The following NRP2 variants were observed in gnomAD, a reference collection of about 807,000 sequenced individuals.
NRP2 encodes neuropilin 2, also known as neuropilin-2.
NRP2 carries 52 observed loss-of-function variants against 110.4 expected under a neutral mutation model. The ratio of observed to expected loss-of-function variants is 0.47; its 90% CI spans 0.38 to 0.59. The LOEUF is 0.59. Among genes scored for constraint, NRP2 ranks in the 20% least tolerant of loss-of-function variants. The pLI is 0.00. For missense variants in NRP2, 1,049 were observed against 1,203.0 expected, an observed-to-expected ratio of 0.87 and a Z score of 1.89; for synonymous variants, 508 against 468.9, an observed-to-expected ratio of 1.08 and a Z score of -1.08.
At chr2:205,784,940 G>A (rs1448044378) in intron 15 of NRP2, among the ~76,000 whole-genome samples, 1 of 152,152 alleles carries the variant, frequency 6.6e-6, no homozygotes, top group Admixed American at 6.5e-5. Context: ...AGTAATTACG[G>A]TCCTTGGCCA....
intron 1 of NRP2, 66 bp from the exon 2 acceptor site, chr2:205,697,478 G>A: frequency 2.2e-6 from 3 of 1,381,694 alleles, no homozygotes; most frequent in Non-Finnish European, 2.1e-6. Flanking sequence ...AAGAGAAGGA[G>A]GGAGTGTGGG....
chr2:205,793,949 C>G (rs1015005174), intron 16 of NRP2, among the ~76,000 whole-genome samples: 6 of 152,046 alleles, frequency 3.9e-5, no homozygotes, highest in Non-Finnish European at 7.4e-5. Flanking sequence ...GGAAACTCAT[C>G]ATGTGCAAAT....
chr2:205,715,309 A>C (rs2056872709), intron 2 of NRP2, among the ~76,000 whole-genome samples: 1 of 152,102 alleles, frequency 6.6e-6, no homozygotes, highest in South Asian at 2.1e-4. Context: ...GGTATCTTTG[A>C]GGTGCCTGCT....
chr2:205,741,174 C>T (rs2057434794), intron 8 of NRP2, among the ~76,000 whole-genome samples: 1 of 152,170 alleles, frequency 6.6e-6, no homozygotes, highest in South Asian at 2.1e-4. Context: ...GGCATATGGA[C>T]AAGTTGGGCA....
intron 13 of NRP2, 112 bp from the exon 14 acceptor site, chr2:205,765,362 A>T: frequency 1.2e-6 from 1 of 855,348 alleles, no homozygotes; most frequent in Non-Finnish European, 2.0e-6. Context: ...ACACACACAC[A>T]CACACATACA....
At position 205,796,045 on chromosome 2, in the gene NRP2, A is replaced by T. The variant is rs1369239696; in HGVS notation, c.*987A>T. On this transcript the variant is annotated 3_prime_UTR_variant, in exon 17 of 17. Coordinates refer to ENST00000357785, the MANE Select transcript of NRP2 (RefSeq NM_003872.3). ...TGTGATATTCTCAGAGGCAGGGGAA[A>T]ATAGAGGGAAAAATAGAGACTATTG... The T allele has an allele frequency of 6.6e-6, 1 of 152,216 alleles. No individual in the cohort carries two copies. The highest frequency in any genetic ancestry group is 1.5e-5 in the Non-Finnish European group (1 of 68,042). The allele number at this position is 152,216 out of a possible 1,614,324, so 9.4% of individuals were successfully genotyped here.
chr2:205,707,156 T>C (rs1290235995), intron 2 of NRP2, among the ~76,000 whole-genome samples: 1 of 152,246 alleles, frequency 6.6e-6, no homozygotes, highest in African/African-American at 2.4e-5. Flanking sequence ...CAACCTGTTC[T>C]CTCAGAATGG....
rs1279561539 is a variant in NRP2 at position 205,723,788 on chromosome 2, G to C, written c.668G>C (p.Gly223Ala). The C allele has an allele frequency of 1.2e-6, 2 of 1,614,066 alleles. No homozygotes were observed. Among genetic ancestry groups the C allele is most frequent in the South Asian group, 2.2e-5 (2 of 91,056 alleles). Residue 223 changes from glycine to alanine, a missense_variant, in exon 5 of 17, where the codon GGC becomes GCC. Gly to Ala is a moderately conservative substitution (Grantham distance 60). Transcript: ENST00000357785. ...TCTCTTTGTCTTGAATGTCCAGTTGGCCCCCTGATTGGCAAGTACTGTGGG... is the reference window on the plus strand; with the variant it reads ...TCTCTTTGTCTTGAATGTCCAGTTGCCCCCCTGATTGGCAAGTACTGTGGG... Reference protein sequence around the residue: ...LDIWDGIPHVGPLIGKYCGTK... With the variant: ...LDIWDGIPHVAPLIGKYCGTK...
At chr2:205,742,162 C>T (rs1038435291) in intron 8 of NRP2, among the ~76,000 whole-genome samples, 5 of 152,160 alleles carry the variant, frequency 3.3e-5, no homozygotes, top group South Asian at 2.1e-4. Context: ...AGGGGAACAA[C>T]GTGGAGGATC....
intron 9 of NRP2, 34 bp from the exon 10 acceptor site, chr2:205,745,712 C>T: frequency 6.2e-7 from 1 of 1,613,576 alleles, no homozygotes; most frequent in African/African-American, 1.3e-5. Context: ...CTGGGTCCCA[C>T]ACCAGAAGGG....
At chr2:205,733,229 C>T (rs920020493) in intron 7 of NRP2, among the ~76,000 whole-genome samples, 5 of 152,166 alleles carry the variant, frequency 3.3e-5, no homozygotes, top group Admixed American at 6.5e-5. Context: ...ATCAGGCTCC[C>T]GCGGCCAGCG....
chr2:205,686,857 GC>G lies in NRP2; in HGVS notation c.73+3499del, dbSNP rs1050746652. 1.3e-5 allele frequency among the ~76,000 whole-genome samples: 2 copies of G among 152,156 alleles called. No individual in the cohort carries two copies. The highest frequency in any genetic ancestry group is 4.8e-5 in the African/African-American group (2 of 41,434). On this transcript the variant is annotated intron_variant, in intron 1 of 16. Transcript: ENST00000357785. The surrounding 1 kb of genome is among the most constrained non-coding windows in gnomAD (Gnocchi z 4.7). ...CTTTCGGTTTCAGACAGAGAGGAGA[GC>G]CCCCTGGCGCTAGCCATTCCCGATC...
intron 15 of NRP2, chr2:205,767,713 T>C (rs1385704920): frequency 4.9e-5 from 10 of 205,068 alleles, no homozygotes; most frequent in Admixed American, 3.5e-4. Flanking sequence ...CGGTTTCTAA[T>C]GCCAAACATT....
intron 7 of NRP2, among the ~76,000 whole-genome samples, chr2:205,734,129 G>C (rs1005447547): frequency 6.6e-6 from 1 of 151,968 alleles, no homozygotes; most frequent in African/African-American, 2.4e-5. Flanking sequence ...CAGCTTCTTT[G>C]CCTACCGGCA....
chr2:205,771,538 T>C (rs775789590), intron 15 of NRP2, among the ~76,000 whole-genome samples: 4 of 152,220 alleles, frequency 2.6e-5, no homozygotes, highest in African/African-American at 4.8e-5. Flanking sequence ...TTACCCTTGG[T>C]GTCTTTCAAA....
At chr2:205,767,378 A>C (rs1188480490) in intron 15 of NRP2, 1 of 513,720 alleles carries the variant, frequency 1.9e-6, no homozygotes, top group Admixed American at 2.0e-5. Context: ...AGAGACACAG[A>C]AGTGGTGGCC....
chr2:205,750,722 T>C (rs1460831888), intron 11 of NRP2, among the ~76,000 whole-genome samples: 1 of 152,156 alleles, frequency 6.6e-6, no homozygotes, highest in African/African-American at 2.4e-5. Flanking sequence ...CATTATTAAA[T>C]GTTCATTAAA....
chr2:205,769,935 A>G (rs1161586955), intron 15 of NRP2, among the ~76,000 whole-genome samples: 1 of 152,226 alleles, frequency 6.6e-6, no homozygotes, highest in Non-Finnish European at 1.5e-5. Context: ...AGAAGCCAGT[A>G]AAAATATATG....
Position 205,745,770 on chromosome 2 carries a change from G to A in NRP2, c.1666G>A (p.Asp556Asn). 3.1e-6 allele frequency: 5 copies of A among 1,614,212 alleles called. No homozygotes were observed. Among genetic ancestry groups the A allele is most frequent in the Non-Finnish European group, 4.2e-6 (5 of 1,180,030 alleles). Residue 556 changes from aspartate (D) to asparagine (N), a missense_variant, in exon 10 of 17, where the codon GAC becomes AAC. Transcript: ENST00000357785. ...GCTGTTCGAAGGGAACATGCACTAT[G>A]ACACCCCTGACATCCGAAGGTTTGA... Reference protein sequence around the residue: ...PKLFEGNMHYDTPDIRRFDPI... With the variant: ...PKLFEGNMHYNTPDIRRFDPI...
Sources: allele counts gnomAD v4.1 joint callset (sites outside exome capture counted in the v4.1 genomes callset), GRCh38; gene constraint gnomAD v4.1.1; non-coding constraint Gnocchi (gnomAD v3.1); transcripts MANE v1.5; gene names NCBI Gene and HGNC (gene_info 2026-07-23, HGNC 2026-07-21).